BCAS3: variants seen among roughly 807,000 people sequenced by gnomAD.
BCAS3 encodes BCAS3 microtubule associated cell migration factor, also known as BCAS4/BCAS3 fusion.
Under a neutral mutation model 116.1 loss-of-function variants are expected in BCAS3, and 53 were observed. That is an observed-to-expected ratio of 0.46 (90% CI 0.37 to 0.57). The LOEUF (loss-of-function observed/expected upper bound fraction) is 0.57. Among genes scored for constraint, BCAS3 ranks in the 20% least tolerant of loss-of-function variants. BCAS3 has a pLI of 0.00. For synonymous variants in BCAS3, 391 were observed against 408.2 expected (o/e 0.96, Z 0.51); for missense variants, 917 against 1,165.4 (o/e 0.79, Z 3.10).
intron 13 of BCAS3, among the ~76,000 whole-genome samples, chr17:60,934,429 A>G (rs1174999198): frequency 6.6e-6 from 1 of 152,270 alleles, no homozygotes; most frequent in East Asian, 1.9e-4. Flanking sequence ...CCTGTCTACA[A>G]CAAATATAAC....
chr17:61,179,290 T>A (rs952318699), intron 22 of BCAS3, among the ~76,000 whole-genome samples: 1 of 151,106 alleles, frequency 6.6e-6, no homozygotes. Flanking sequence ...TTTTTTTTTT[T>A]AATCTACAAT....
chr17:61,252,876 T>A (rs917203126), intron 22 of BCAS3, among the ~76,000 whole-genome samples: 52 of 115,608 alleles, frequency 4.5e-4, no homozygotes, highest in African/African-American at 1.6e-3. Context: ...AATCTGTTCC[T>A]ATACATTTTT....
intron 15 of BCAS3, among the ~76,000 whole-genome samples, chr17:60,999,778 C>A (rs184554895): frequency 6.6e-6 from 1 of 152,228 alleles, no homozygotes; most frequent in East Asian, 1.9e-4. Context: ...TTCTTCCAAT[C>A]CATGGGCATG....
intron 3 of BCAS3, 68 bp downstream of exon 3, chr17:60,684,104 A>G (rs2033667714): frequency 2.8e-6 from 4 of 1,449,722 alleles, no homozygotes; most frequent in Non-Finnish European, 3.8e-6. Context: ...TGGTTTCCTA[A>G]ACTTGACACT....
At chr17:60,778,642 C>G (rs531466940) in intron 6 of BCAS3, among the ~76,000 whole-genome samples, 56 of 152,120 alleles carry the variant, frequency 3.7e-4, no homozygotes, top group Non-Finnish European at 5.7e-4. Flanking sequence ...TGTTACTCAG[C>G]AAGACTTATT....
chr17:61,263,746 ATAAT>A (rs1271502086), intron 22 of BCAS3, among the ~76,000 whole-genome samples: 1 of 152,244 alleles, frequency 6.6e-6, no homozygotes, highest in African/African-American at 2.4e-5. Context: ...TAAAGCTGTA[ATAAT>A]TAAAGCAGAA....
At chr17:60,977,198 G>A (rs2062458698) in intron 14 of BCAS3, among the ~76,000 whole-genome samples, 1 of 152,098 alleles carries the variant, frequency 6.6e-6, no homozygotes, top group Non-Finnish European at 1.5e-5. Flanking sequence ...TTTAGAGATG[G>A]AGTCTCTAAA....
chr17:61,211,556 C>T lies in BCAS3; in HGVS notation c.2425+126992C>T, dbSNP rs1181955392. ...CACTGTCTACAACAGCAGAGGTGGC[C>T]GAGAAAGGCAGACAGGCTCTCCTGA... On this transcript the variant is annotated intron_variant, in intron 22 of 23. Coordinates refer to ENST00000407086, the MANE Select transcript of BCAS3 (RefSeq NM_017679.5). This position sits in a 1 kb window ranked among gnomAD's most constrained non-coding sequence, Gnocchi z 4.4. 1.3e-5 allele frequency among the ~76,000 whole-genome samples: 2 copies of T among 151,868 alleles called. No homozygotes were observed. The highest frequency in any genetic ancestry group is 2.9e-5 in the Non-Finnish European group (2 of 67,996).
In BCAS3 at chr17:60,843,797, T is replaced by C. The variant is rs555607596; in HGVS notation, c.477-24779T>C. Among the ~76,000 whole-genome samples the C allele has an allele frequency of 1.5e-4, 23 of 152,344 alleles. 1 individual carries two copies. In the South Asian group the frequency reaches 4.8e-3, roughly 32 times the overall value. ...GCACTGATCCCTTTTCCCGACTCTA[T>C]GTTTTTCTTTATGCATATTACTTAT... On this transcript the variant is annotated intron_variant, in intron 7 of 23. Coordinates refer to ENST00000407086, the MANE Select transcript of BCAS3 (RefSeq NM_017679.5).
In BCAS3 at chr17:60,964,910, TA is replaced by T. The variant is rs1265621233; in HGVS notation, c.1221+17559del. Among the ~76,000 whole-genome samples the T allele has an allele frequency of 1.3e-5, 2 of 152,148 alleles. No individual in the cohort carries two copies. The highest frequency in any genetic ancestry group is 3.8e-4 in the East Asian group (2 of 5,200). On this transcript the variant is annotated intron_variant, in intron 14 of 23. Coordinates refer to ENST00000407086, the MANE Select transcript of BCAS3 (RefSeq NM_017679.5). The surrounding 1 kb of genome is among the most constrained non-coding windows in gnomAD (Gnocchi z 4.6). The stretch of plus-strand genomic sequence containing the variant: ...TGTGTCCTTTCTTTGTTTCTGATTT[TA>T]TTTATTTAGGTCTTCTCTCTTTTTT...
At chr17:60,913,553 A>C (rs2145112996) in intron 12 of BCAS3, among the ~76,000 whole-genome samples, 1 of 152,214 alleles carries the variant, frequency 6.6e-6, no homozygotes, top group East Asian at 1.9e-4. Flanking sequence ...GCTGGATTGT[A>C]TTAAAACTGC....
intron 6 of BCAS3, among the ~76,000 whole-genome samples, chr17:60,748,516 C>T (rs2042188416): frequency 6.6e-6 from 1 of 152,150 alleles, no homozygotes; most frequent in East Asian, 1.9e-4. Flanking sequence ...TCTAGACCGT[C>T]CTTTTCTAGA....
rs140644546 is a variant in BCAS3, at chr17:61,289,643, G to A, written c.2426-78684G>A. ...GGAGATTAGAGACCCCGTTCTTGCC[G>A]ACTCCACAGGGTTGCACTGCTTAAT... On this transcript the variant is annotated intron_variant, in intron 22 of 23. Coordinates refer to ENST00000407086, the MANE Select transcript of BCAS3 (RefSeq NM_017679.5). Among the ~76,000 whole-genome samples, 238 of 152,206 alleles carry A rather than the reference G, an allele frequency of 1.6e-3. 1 individual carries two copies. The highest frequency in any genetic ancestry group is 2.2e-3 in the Non-Finnish European group (150 of 68,032).
At position 60,990,773 on chromosome 17, in the gene BCAS3, A is replaced by G. The variant is rs2063479021; in HGVS notation, c.1486+538A>G. Among the ~76,000 whole-genome samples the G allele has an allele frequency of 1.3e-5, 2 of 151,726 alleles. No homozygotes were observed. Among genetic ancestry groups the G allele is most frequent in the Admixed American group, 6.6e-5 (1 of 15,224 alleles). On this transcript the variant is annotated intron_variant, in intron 15 of 23. Coordinates refer to ENST00000407086, the MANE Select transcript of BCAS3 (RefSeq NM_017679.5). This position sits in a 1 kb window ranked among gnomAD's most constrained non-coding sequence, Gnocchi z 5.1. Reference sequence around the variant, plus strand: ...GCAATTCTCCTGCCTCAGCCTCCCGAGCAGCTGGGATTACAGGCATCCGCC... The same window carrying G: ...GCAATTCTCCTGCCTCAGCCTCCCGGGCAGCTGGGATTACAGGCATCCGCC...
Position 61,279,016 on chromosome 17 carries a change from C to A in BCAS3, c.2426-89311C>A, listed in dbSNP as rs1223994129. Among the ~76,000 whole-genome samples the A allele has an allele frequency of 1.3e-5, 2 of 149,580 alleles. No individual in the cohort carries two copies. The highest frequency in any genetic ancestry group is 3.0e-5 in the Non-Finnish European group (2 of 67,694). On this transcript the variant is annotated intron_variant, in intron 22 of 23. Coordinates refer to ENST00000407086, the MANE Select transcript of BCAS3 (RefSeq NM_017679.5). This position sits in a 1 kb window ranked among gnomAD's most constrained non-coding sequence, Gnocchi z 4.4. ...CCCAGGCTGGAGTACAGTGGCATGT[C>A]TGGGCTCACTGCAACCTCCTCCCAG...
At chr17:61,206,925 GTTTT>G (rs537375467) in intron 22 of BCAS3, among the ~76,000 whole-genome samples, 1 of 143,332 alleles carries the variant, frequency 7.0e-6, no homozygotes, top group African/African-American at 2.5e-5. Context: ...GGTTTTTGGT[GTTTT>G]TTTTTTTAAT....
At chr17:60,796,980 A>G (rs917203522) in intron 6 of BCAS3, among the ~76,000 whole-genome samples, 2 of 152,044 alleles carry the variant, frequency 1.3e-5, no homozygotes, top group Non-Finnish European at 2.9e-5. Flanking sequence ...ATCTCGGCTC[A>G]CTGCAACAGG....
intron 15 of BCAS3, among the ~76,000 whole-genome samples, chr17:61,015,347 G>C (rs940273181): frequency 5.3e-5 from 8 of 152,180 alleles, no homozygotes; most frequent in African/African-American, 1.9e-4. Context: ...TTGGAGTGCA[G>C]GGGTGCTATC....
At chr17:61,006,409 C>CG (rs1600409038) in intron 15 of BCAS3, among the ~76,000 whole-genome samples, 1 of 152,192 alleles carries the variant, frequency 6.6e-6, no homozygotes, top group East Asian at 1.9e-4. Flanking sequence ...GATACTTCTA[C>CG]ATCTTGTATG....
Sources: gnomAD v4.1 joint callset for allele counts (sites outside exome capture counted in the v4.1 genomes callset) on GRCh38, gnomAD v4.1.1 for gene constraint, Gnocchi (gnomAD v3.1) non-coding constraint, MANE v1.5 for transcripts, NCBI Gene and HGNC (gene_info 2026-07-23, HGNC 2026-07-21) for gene names.